Variants in CLIC5 observed in about 807,000 individuals in gnomAD.
CLIC5 encodes the protein CLIC family member 5.
In CLIC5, 20 loss-of-function variants were observed where a neutral mutation model predicts 24.7. The observed-to-expected ratio is 0.81, with a 90% CI of 0.57 to 1.18. CLIC5 has a LOEUF of 1.18. Ranked by LOEUF, CLIC5 falls within the 50% of genes most tolerant of loss-of-function variation. The probability of loss-of-function intolerance (pLI) is 0.00; values close to 1 mark genes in which losing one functional copy is unlikely to be tolerated. For missense variants in CLIC5, 341 were observed against 326.1 expected, an observed-to-expected ratio of 1.05 and a Z score of -0.35; for synonymous variants, 159 against 135.6, an observed-to-expected ratio of 1.17 and a Z score of -1.20.
chr6:45,926,443 A>G (rs1763500118), intron 4 of CLIC5, among the ~76,000 whole-genome samples: 1 of 150,676 alleles, frequency 6.6e-6, no homozygotes, highest in African/African-American at 2.4e-5. Flanking sequence ...TTTTTAGTAG[A>G]GATGGGGTTT....
chr6:46,108,393 T>TGAGAGA, the CLIC5 span, among the ~76,000 whole-genome samples: 2 of 135,066 alleles, frequency 1.5e-5, no homozygotes, highest in Non-Finnish European at 3.3e-5. Flanking sequence ...TGTGTGTGTG[T>TGAGAGA]GTGTGTGTGA....
chr6:45,937,893 G>A (rs953677064), intron 4 of CLIC5, among the ~76,000 whole-genome samples: 13 of 152,128 alleles, frequency 8.5e-5, no homozygotes, highest in African/African-American at 2.9e-4. Context: ...GGAGTGGAGA[G>A]GTGACCCACC....
the CLIC5 span, among the ~76,000 whole-genome samples, chr6:46,095,561 G>A: frequency 1.3e-5 from 2 of 152,146 alleles, no homozygotes; most frequent in African/African-American, 4.8e-5. Flanking sequence ...CCCTAGTATA[G>A]GGGAACAATG....
At chr6:46,101,229 A>G in the CLIC5 span, among the ~76,000 whole-genome samples, 1 of 152,196 alleles carries the variant, frequency 6.6e-6, no homozygotes, top group Non-Finnish European at 1.5e-5. Flanking sequence ...AAGCCTATAC[A>G]AACATGCCTC....
rs140955697 is a variant in CLIC5 at position 45,939,561 on chromosome 6, G to A, written c.406+1986C>T. ...ACACTAAATGCAAGATGATCTCATC[G>A]CCAAATCCTTAACTAATTACAGCTG... On this transcript the variant is annotated intron_variant, in intron 4 of 5. Coordinates refer to ENST00000339561, the MANE Select transcript of CLIC5 (RefSeq NM_016929.5). 1.5e-3 allele frequency among the ~76,000 whole-genome samples: 223 copies of A among 152,096 alleles called. 4 individuals are homozygous for A. In the South Asian group the frequency reaches 0.019, roughly 13 times the overall value.
At chr6:46,016,247 G>C (rs905367688), upstream of CLIC5, among the ~76,000 whole-genome samples, 2 of 151,972 alleles carry the variant, frequency 1.3e-5, no homozygotes, top group African/African-American at 4.8e-5. Flanking sequence ...GAGAGGAGAT[G>C]GCTCTCAAGT....
chr6:46,066,132 T>C (rs1762436634), intron 1 of CLIC5, among the ~76,000 whole-genome samples: 1 of 152,132 alleles, frequency 6.6e-6, no homozygotes, highest in South Asian at 2.1e-4. Flanking sequence ...TGAAGGAGTA[T>C]GGTTGGGAAG....
chr6:46,088,183 G>GTGTGTGTGTT, the CLIC5 span, among the ~76,000 whole-genome samples: 1 of 151,828 alleles, frequency 6.6e-6, no homozygotes, highest in African/African-American at 2.4e-5. Context: ...GTGTGTGTGT[G>GTGTGTGTGTT]TGTGTGTGTG....
intron 1 of CLIC5, among the ~76,000 whole-genome samples, chr6:45,958,461 T>C (rs1412054773): frequency 0.16 from 2,599 of 16,528 alleles, 295 homozygotes; most frequent in African/African-American, 0.31. Flanking sequence ...TATATATATA[T>C]ATATATATAT....
At chr6:46,002,863 C>G (rs754129354) in intron 1 of CLIC5, among the ~76,000 whole-genome samples, 22 of 152,162 alleles carry the variant, frequency 1.4e-4, no homozygotes, top group Admixed American at 3.3e-4. Flanking sequence ...TTCATTGCCA[C>G]CTATGGAGAA....
intron 4 of CLIC5, among the ~76,000 whole-genome samples, chr6:45,925,507 G>T (rs917496514): frequency 3.3e-5 from 5 of 152,110 alleles, no homozygotes; most frequent in Non-Finnish European, 5.9e-5. Context: ...AGTAGAGACT[G>T]GGTTTCACCA....
chr6:46,111,660 A>G, the CLIC5 span, among the ~76,000 whole-genome samples: 1 of 152,106 alleles, frequency 6.6e-6, no homozygotes, highest in African/African-American at 2.4e-5. Context: ...TTTAACCCAA[A>G]TCTCTCCAAA....
At chr6:45,880,856 T>C (rs565834176), downstream of CLIC5, 4 of 314,532 alleles carry the variant, frequency 1.3e-5, no homozygotes, top group Non-Finnish European at 2.3e-5. Context: ...TTAATTGAAC[T>C]GCAGCAGGGA....
rs531216703 is a variant in CLIC5, at chr6:45,888,475, T to C, written c.624-7287A>G. On this transcript the variant is annotated intron_variant, in intron 6 of 6. Transcript: ENST00000644324. ...TGAAAATTTATGCTTACAGTTATGC[T>C]ATAAGCTAGGTAAGGAACTATGGGA... Among the ~76,000 whole-genome samples, 64 of 152,322 alleles carry C rather than the reference T, an allele frequency of 4.2e-4. 1 individual carries two copies. In the South Asian group the frequency reaches 0.013, roughly 30 times the overall value.
chr6:46,058,331 T>G (rs1266128015), intron 1 of CLIC5, among the ~76,000 whole-genome samples: 1 of 152,242 alleles, frequency 6.6e-6, no homozygotes, highest in Non-Finnish European at 1.5e-5. Flanking sequence ...GTTAAGCACT[T>G]CACTCTTCAT....
At chr6:46,015,337 TG>T (rs1766961542) in intron 1 of CLIC5, 142 bp downstream of exon 1, 2 of 752,526 alleles carry the variant, frequency 2.7e-6, no homozygotes, top group Non-Finnish European at 3.8e-6. Context: ...AGCGGGGCGC[TG>T]GCCTGCGGAA....
chr6:45,996,646 C>G (rs1188679300), intron 1 of CLIC5, among the ~76,000 whole-genome samples: 1 of 152,016 alleles, frequency 6.6e-6, no homozygotes, highest in Non-Finnish European at 1.5e-5. Flanking sequence ...TGAACTCAAA[C>G]AAATTTACAG....
chr6:46,109,920 G>A, the CLIC5 span, among the ~76,000 whole-genome samples: 1 of 146,458 alleles, frequency 6.8e-6, no homozygotes, highest in Non-Finnish European at 1.5e-5. Flanking sequence ...AACCCCTTGT[G>A]GCCTTTGGAA....
At chr6:45,947,139 C>T (rs1764314676) in intron 3 of CLIC5, among the ~76,000 whole-genome samples, 1 of 152,150 alleles carries the variant, frequency 6.6e-6, no homozygotes, top group African/African-American at 2.4e-5. Flanking sequence ...GATGATGACT[C>T]GCCTCTGGAA....
Sources: allele counts gnomAD v4.1 joint callset (sites outside exome capture counted in the v4.1 genomes callset), GRCh38; gene constraint gnomAD v4.1.1; transcripts MANE v1.5; gene names NCBI Gene and HGNC (gene_info 2026-07-23, HGNC 2026-07-21).